Variants in ABHD18 observed in about 807,000 individuals in gnomAD.
ABHD18 encodes the protein abhydrolase domain containing 18.
In ABHD18, 55 loss-of-function variants were observed where a neutral mutation model predicts 65.9. That is an observed-to-expected ratio of 0.84 (90% CI 0.67 to 1.05). The LOEUF is 1.05. Among genes scored for constraint, ABHD18 ranks in the 50% least tolerant of loss-of-function variants. The probability of loss-of-function intolerance (pLI) is 0.00; values close to 1 mark genes in which losing one functional copy is unlikely to be tolerated. For synonymous variants in ABHD18, 181 were observed against 180.2 expected (o/e 1.00, Z -0.04); for missense variants, 533 against 558.5 (o/e 0.95, Z 0.46).
At chr4:127,998,569 C>A (rs888069731) in intron 4 of ABHD18, among the ~76,000 whole-genome samples, 1 of 148,768 alleles carries the variant, frequency 6.7e-6, no homozygotes, top group Non-Finnish European at 1.5e-5. Flanking sequence ...GAGACTGGAT[C>A]TCACTGTTGG....
intron 1 of ABHD18, among the ~76,000 whole-genome samples, chr4:127,973,662 T>C (rs1191971415): frequency 1.3e-5 from 2 of 151,946 alleles, no homozygotes; most frequent in Non-Finnish European, 2.9e-5. Context: ...CATTATGTTA[T>C]ATGGCAAAGG....
chr4:128,026,300 A>C (rs28691250), intron 10 of ABHD18, among the ~76,000 whole-genome samples: 145,837 of 150,274 alleles, frequency 0.97, 70,908 homozygotes, highest in East Asian at 1. Flanking sequence ...ACAACAACAA[A>C]AAAAAAAAAT....
chr4:127,984,703 A>C (rs1488693233), intron 3 of ABHD18, among the ~76,000 whole-genome samples: 1 of 152,146 alleles, frequency 6.6e-6, no homozygotes, highest in East Asian at 1.9e-4. Flanking sequence ...CTTAAAAAAA[A>C]TACAAAATTA....
chr4:127,980,150 T>G (rs1288145209), intron 1 of ABHD18, among the ~76,000 whole-genome samples: 2 of 152,088 alleles, frequency 1.3e-5, no homozygotes, highest in Non-Finnish European at 2.9e-5. Flanking sequence ...AAGAGGTGAT[T>G]AGGTTATGAG....
At chr4:127,970,071 C>T (rs555332360) in intron 1 of ABHD18, among the ~76,000 whole-genome samples, 5 of 151,458 alleles carry the variant, frequency 3.3e-5, no homozygotes, top group South Asian at 2.1e-4. Flanking sequence ...TTTTAAGAGA[C>T]GAGGTCTCAC....
intron 1 of ABHD18, among the ~76,000 whole-genome samples, chr4:127,972,520 CTTTTTTTTTTTTTTTT>C (rs11286287): frequency 6.1e-4 from 37 of 60,890 alleles, no homozygotes; most frequent in African/African-American, 2.4e-3. Context: ...CAGATATACT[CTTTTTTTTTTTTTTTT>C]TTTTTTTTTT....
At chr4:127,976,868 C>T (rs757474149) in intron 1 of ABHD18, among the ~76,000 whole-genome samples, 1 of 152,032 alleles carries the variant, frequency 6.6e-6, no homozygotes, top group Non-Finnish European at 1.5e-5. Context: ...GCTGAAACCC[C>T]GTCTCTACTA....
rs1341967769 is a variant in ABHD18, at chr4:128,035,810, C to T, written c.1392C>T (p.Asn464=). Residue 464 remains asparagine (N), a synonymous_variant, in exon 13 of 13, where the codon AAC becomes AAT. Transcript: ENST00000645843. ...ACCGCTTCCTCCATAAATACGCTAA[C>T]TAGTTGGATTATTATATGTAACCAG... The part of the protein sequence containing the change: ...AFDRFLHKYA[N] 6.5e-7 allele frequency: 1 copy of T among 1,533,152 alleles called. No individual in the cohort carries two copies. The highest frequency in any genetic ancestry group is 8.8e-7 in the Non-Finnish European group (1 of 1,134,004). The allele number at this position is 1,533,152 out of a possible 1,614,324, so 95.0% of individuals were successfully genotyped here.
intron 2 of ABHD18, among the ~76,000 whole-genome samples, chr4:127,983,407 A>G (rs1384435606): frequency 6.6e-6 from 1 of 152,134 alleles, no homozygotes; most frequent in Non-Finnish European, 1.5e-5. Context: ...AAACTGGAAT[A>G]CTCCGTAGCT....
At chr4:128,001,846 G>GT (rs35200534) in intron 4 of ABHD18, 10,192 of 1,048,158 alleles carry the variant, frequency 9.7e-3, no homozygotes, top group Non-Finnish European at 0.011. Flanking sequence ...GTTTTGTTTT[G>GT]TTTTTTTTTT....
intron 8 of ABHD18, among the ~76,000 whole-genome samples, chr4:128,019,637 A>G (rs1756138533): frequency 1.3e-5 from 2 of 152,206 alleles, no homozygotes; most frequent in Non-Finnish European, 2.9e-5. Flanking sequence ...CACACATTAC[A>G]TTATTTTAGA....
At chr4:127,994,231 G>C (rs983032907) in intron 4 of ABHD18, among the ~76,000 whole-genome samples, 1 of 152,180 alleles carries the variant, frequency 6.6e-6, no homozygotes, top group Non-Finnish European at 1.5e-5. Context: ...GAATTGTGAT[G>C]TATCTTTGGG....
At chr4:128,020,769 C>T (rs1037266209) in intron 9 of ABHD18, among the ~76,000 whole-genome samples, 1 of 152,198 alleles carries the variant, frequency 6.6e-6, no homozygotes, top group Non-Finnish European at 1.5e-5. Context: ...TGCGGTGGCT[C>T]ACGCCTGTAA....
chr4:127,968,892 G>A (rs114273898), intron 1 of ABHD18, among the ~76,000 whole-genome samples: 3,970 of 152,134 alleles, frequency 0.026, 152 homozygotes, highest in African/African-American at 0.091. Context: ...GGTGGCACTA[G>A]ATACCCTGGA....
chr4:128,023,925 A>G (rs910089757), intron 10 of ABHD18, among the ~76,000 whole-genome samples: 1 of 152,182 alleles, frequency 6.6e-6, no homozygotes, highest in African/African-American at 2.4e-5. Flanking sequence ...TAGTTCCTAT[A>G]CATATAATCA....
rs1757755293 is a variant in ABHD18 at position 128,028,738 on chromosome 4, C to T, written c.1065C>T (p.Asn355=). 1.9e-6 allele frequency: 3 copies of T among 1,613,786 alleles called. No homozygotes were observed. The highest frequency in any genetic ancestry group is 1.1e-5 in the South Asian group (1 of 91,090). The change falls in exon 11 of 13, where the codon AAC becomes AAT. Residue 355 remains asparagine, a synonymous_variant. Coordinates refer to ENST00000645843, the MANE Select transcript of ABHD18 (RefSeq NM_001358451.3). ...ACAAAAGTGGTTATACAAGTCGCAA[C>T]CCTCAGTCATACCACCTACTTAGTA... ...STNKSGYTSR[N]PQSYHLLSKE...
intron 4 of ABHD18, among the ~76,000 whole-genome samples, chr4:128,002,854 G>A (rs1752912993): frequency 6.6e-6 from 1 of 151,516 alleles, no homozygotes; most frequent in Admixed American, 6.6e-5. Flanking sequence ...ATGTTGGCCA[G>A]GCTGGTCTCA....
chr4:127,997,707 A>G (rs2149103350), intron 4 of ABHD18, among the ~76,000 whole-genome samples: 1 of 152,330 alleles, frequency 6.6e-6, no homozygotes, highest in South Asian at 2.1e-4. Flanking sequence ...GTGATTAAAG[A>G]TGTGTAACCA....
At chr4:127,995,070 G>A (rs1217612896) in intron 4 of ABHD18, among the ~76,000 whole-genome samples, 1 of 152,046 alleles carries the variant, frequency 6.6e-6, no homozygotes, top group Non-Finnish European at 1.5e-5. Flanking sequence ...AGTAGAGATG[G>A]GGTTTCACCA....
Sources: allele counts gnomAD v4.1 joint callset (sites outside exome capture counted in the v4.1 genomes callset), GRCh38; gene constraint gnomAD v4.1.1; transcripts MANE v1.5; gene names NCBI Gene and HGNC (gene_info 2026-07-23, HGNC 2026-07-21).